Variants in SLC37A1 observed in about 807,000 individuals in gnomAD.
SLC37A1 encodes the protein glucose-6-phosphate exchanger SLC37A1.
A neutral mutation model predicts 75.3 loss-of-function variants in SLC37A1; 49 were observed. That is an observed-to-expected ratio of 0.65 (90% CI 0.52 to 0.83). The LOEUF is 0.83. SLC37A1 is among the 40% of genes least tolerant of loss of function. The probability of loss-of-function intolerance (pLI) is 0.00; values close to 1 mark genes in which losing one functional copy is unlikely to be tolerated. For missense variants in SLC37A1, 566 were observed against 695.0 expected, an observed-to-expected ratio of 0.81 and a Z score of 2.09; for synonymous variants, 268 against 292.1, an observed-to-expected ratio of 0.92 and a Z score of 0.84.
At position 42,565,906 on chromosome 21, in the gene SLC37A1, C is replaced by G. The variant is rs1408606865; in HGVS notation, c.1270+31C>G. ...TATGGAGGCCTTCCTGCTTTTCTTC[C>G]ACACACGTTTTTAAAGTTCACACAG... On this transcript the variant is annotated intron_variant, in intron 15 of 19. Transcript: ENST00000352133. 1.9e-6 allele frequency: 3 copies of G among 1,605,478 alleles called. No homozygotes were observed. The East Asian group carries it at 6.7e-5, about 36-fold the overall frequency.
At chr21:42,558,843 C>G in intron 10 of SLC37A1, 115 bp from the exon 11 acceptor site, 3 of 1,298,566 alleles carry the variant, frequency 2.3e-6, no homozygotes, top group Non-Finnish European at 2.2e-6. Flanking sequence ...GTCTCCAAGG[C>G]AGTGGAAGAG....
rs1161313598 is a variant in SLC37A1, at chr21:42,530,654, A to ACACACACACCCCCCCCCCC, written c.139-4043_139-4042insACACACACCCCCCCCCCCC. 5.6e-5 allele frequency among the ~76,000 whole-genome samples: 2 copies of ACACACACACCCCCCCCCCC among 35,880 alleles called. 1 individual carries two copies. Among genetic ancestry groups the ACACACACACCCCCCCCCCC allele is most frequent in the Non-Finnish European group, 1.0e-4 (2 of 19,114 alleles). The allele number at this position is 35,880 out of a possible 152,430, so 23.5% of individuals were successfully genotyped here. ...CACACACACACACACACACACACAC[A>ACACACACACCCCCCCCCCC]CCCCCTCTGTGTTGGCTGAAGGTGG... On this transcript the variant is annotated intron_variant, in intron 3 of 19. Transcript: ENST00000352133.
chr21:42,568,488 A>G, intron 17 of SLC37A1, 50 bp downstream of exon 17: 1 of 1,546,992 alleles, frequency 6.5e-7, no homozygotes, highest in Non-Finnish European at 8.9e-7. Flanking sequence ...AGGGGAAATC[A>G]CATTGTCACA....
intron 2 of SLC37A1, among the ~76,000 whole-genome samples, chr21:42,523,856 A>G (rs2146742707): frequency 6.6e-6 from 1 of 151,566 alleles, no homozygotes; most frequent in East Asian, 1.9e-4. Flanking sequence ...GTTTTGTGTC[A>G]CACGGAGCCA....
At chr21:42,533,495 C>A (rs2055050871) in intron 3 of SLC37A1, among the ~76,000 whole-genome samples, 1 of 152,200 alleles carries the variant, frequency 6.6e-6, no homozygotes, top group African/African-American at 2.4e-5. Flanking sequence ...CGAGCCCCTG[C>A]CACATGTGGC....
At chr21:42,518,688 G>C (rs1242596519) in intron 2 of SLC37A1, among the ~76,000 whole-genome samples, 178 bp downstream of exon 2, 1 of 152,176 alleles carries the variant, frequency 6.6e-6, no homozygotes, top group Non-Finnish European at 1.5e-5. Context: ...ACAGTGCTGA[G>C]GTGTCCTTTG....
At chr21:42,523,647 C>T (rs950976276) in intron 2 of SLC37A1, among the ~76,000 whole-genome samples, 4 of 152,224 alleles carry the variant, frequency 2.6e-5, no homozygotes, top group Non-Finnish European at 5.9e-5. Context: ...ATGATAGGCT[C>T]GCCTTTTAGG....
At chr21:42,549,011 A>G (rs1426020541) in intron 9 of SLC37A1, among the ~76,000 whole-genome samples, 1 of 152,258 alleles carries the variant, frequency 6.6e-6, no homozygotes, top group East Asian at 1.9e-4. Flanking sequence ...CAGGAAGGTC[A>G]AACACCATAT....
At chr21:42,520,703 A>G (rs2054628595) in intron 2 of SLC37A1, among the ~76,000 whole-genome samples, 2 of 152,104 alleles carry the variant, frequency 1.3e-5, no homozygotes, top group South Asian at 4.1e-4. Flanking sequence ...TGGGAACAGT[A>G]AGAGCACTAA....
At chr21:42,501,284 G>C (rs1045468918) in intron 1 of SLC37A1, among the ~76,000 whole-genome samples, 1 of 152,114 alleles carries the variant, frequency 6.6e-6, no homozygotes, top group Non-Finnish European at 1.5e-5. Flanking sequence ...TTTTCCGAGG[G>C]CTCTCTCAGG....
At chr21:42,540,207 CAG>C (rs1415350924) in intron 6 of SLC37A1, among the ~76,000 whole-genome samples, 5 of 152,238 alleles carry the variant, frequency 3.3e-5, no homozygotes, top group African/African-American at 4.8e-5. Context: ...CACAGCGGGA[CAG>C]GGCGTTCCAC....
At chr21:42,519,957 AGTGTGTTTGT>A (rs745793012) in intron 2 of SLC37A1, among the ~76,000 whole-genome samples, 4 of 106,334 alleles carry the variant, frequency 3.8e-5, no homozygotes, top group African/African-American at 1.6e-4. Flanking sequence ...GCCCCTCCAC[AGTGTGTTTGT>A]GTGTGTGTGT....
At chr21:42,507,998 T>C (rs972661265) in intron 2 of SLC37A1, among the ~76,000 whole-genome samples, 2 of 135,534 alleles carry the variant, frequency 1.5e-5, no homozygotes, top group African/African-American at 5.1e-5. Flanking sequence ...AGACAGTGTT[T>C]GTTTAGAAGA....
At chr21:42,569,457 C>G (rs1024657796) in intron 17 of SLC37A1, among the ~76,000 whole-genome samples, 1 of 152,174 alleles carries the variant, frequency 6.6e-6, no homozygotes, top group Non-Finnish European at 1.5e-5. Context: ...GGTCACACCC[C>G]GTGCCTGGGA....
intron 1 of SLC37A1, among the ~76,000 whole-genome samples, chr21:42,501,672 A>G (rs559116669): frequency 1.3e-5 from 2 of 152,338 alleles, no homozygotes; most frequent in African/African-American, 4.8e-5. Context: ...AGATTGCACC[A>G]TTGCACTCTG....
At position 42,500,555 on chromosome 21, in the gene SLC37A1, T is replaced by C. The variant is rs147135463; in HGVS notation, c.-301+812T>C. Among the ~76,000 whole-genome samples, 553 of 152,336 alleles carry C rather than the reference T, an allele frequency of 3.6e-3. 15 individuals carry two copies. Among genetic ancestry groups the C allele is most frequent in the Admixed American group, 0.034 (524 of 15,308 alleles). On this transcript the variant is annotated intron_variant, in intron 1 of 20. Coordinates refer to the SLC37A1 transcript ENST00000398341. ...AATTGTACTGCTGTTAATCTTACAA[T>C]AGGTTAAGCACCTTTTGTCTATCAG...
At chr21:42,533,905 T>C (rs773081476) in intron 3 of SLC37A1, among the ~76,000 whole-genome samples, 4 of 152,224 alleles carry the variant, frequency 2.6e-5, no homozygotes, top group Non-Finnish European at 4.4e-5. Context: ...CTGGCCCTGC[T>C]TGCTGGTTCT....
rs538297747 is a variant in SLC37A1, at chr21:42,535,330, C to T, written c.272-142C>T. ...AAGAAACTGAACAGAAAATGCACCG[C>T]CTTGTTTTCTATGTGGAAAACCACG... On this transcript the variant is annotated intron_variant, in intron 4 of 19. Transcript: ENST00000352133. The T allele has an allele frequency of 1.2e-5, 8 of 675,688 alleles. No homozygotes were observed. In the South Asian group the frequency reaches 1.5e-4, roughly 13 times the overall value. The allele number at this position is 675,688 out of a possible 1,614,324, so 41.9% of individuals were successfully genotyped here. A position where few individuals can be genotyped will look rare whatever the true frequency, so the allele number is the denominator to read the frequency against.
chr21:42,574,890 T>C lies in SLC37A1; in HGVS notation c.1496T>C (p.Met499Thr), dbSNP rs762297573. The C allele has an allele frequency of 5.6e-6, 9 of 1,614,076 alleles. No individual in the cohort carries two copies. The highest frequency in any genetic ancestry group is 7.6e-6 in the Non-Finnish European group (9 of 1,180,030). Residue 499 changes from methionine to threonine, a missense_variant, in exon 18 of 20, where the codon ATG becomes ACG. Coordinates refer to ENST00000352133, the MANE Select transcript of SLC37A1 (RefSeq NM_001320537.2). ...TGGAGCAATGTGTTTTACATGCTGA[T>C]GTTTGCAGATGCCTGTGCCTTACTG... ...SGWSNVFYML[M>T]FADACALLFL...
Sources: allele counts gnomAD v4.1 joint callset (sites outside exome capture counted in the v4.1 genomes callset), GRCh38; gene constraint gnomAD v4.1.1; transcripts MANE v1.5; gene names NCBI Gene and HGNC (gene_info 2026-07-23, HGNC 2026-07-21).